GCG: variants seen among roughly 807,000 people sequenced by gnomAD.
GCG encodes glucagon, also known as pro-glucagon.
A neutral mutation model predicts 22.8 loss-of-function variants in GCG; 11 were observed. That is an observed-to-expected ratio of 0.48 (90% confidence interval 0.30 to 0.80). The LOEUF is 0.80. Ranked by LOEUF, GCG falls within the 30% of genes least tolerant of loss-of-function variation. The probability of loss-of-function intolerance (pLI) is 0.06; values close to 1 mark genes in which losing one functional copy is unlikely to be tolerated. For missense variants in GCG, 222 were observed against 222.0 expected, an observed-to-expected ratio of 1.00 and a Z score of 0.00; for synonymous variants, 89 against 72.4, an observed-to-expected ratio of 1.23 and a Z score of -1.16.
chr2:162,150,882 C>G (rs775975673), intron 1 of GCG, among the ~76,000 whole-genome samples: 4 of 152,022 alleles, frequency 2.6e-5, no homozygotes, highest in African/African-American at 9.6e-5. Context: ...GAAGAAAGAA[C>G]AACCATAAAC....
rs1348347563 is a variant in GCG, at chr2:162,147,393, G to C, written c.214C>G (p.Gln72Glu). ...TTCATCAACCACTGCACAAAATCTT[G>C]GGCACGCCTGGAGTCCAGATACTTG... ...YSKYLDSRRA[Q>E]DFVQWLMNTK... Residue 72 changes from glutamine to glutamate, a missense_variant, in exon 3 of 6, where the codon CAA (glutamine) becomes GAA (glutamate). By Grantham distance (29) the Gln-to-Glu change is conservative. Transcript: ENST00000418842. 3.7e-6 allele frequency: 6 copies of C among 1,613,118 alleles called. No homozygotes were observed. The highest frequency in any genetic ancestry group is 1.7e-4 in the Middle Eastern group (1 of 6,052).
intron 1 of GCG, among the ~76,000 whole-genome samples, chr2:162,150,448 T>A (rs982346652): frequency 2.0e-5 from 3 of 152,164 alleles, no homozygotes; most frequent in Non-Finnish European, 4.4e-5. Context: ...CAGTAACTTT[T>A]TTCTTTGAAA....
intron 1 of GCG, among the ~76,000 whole-genome samples, chr2:162,150,899 A>G (rs1251011118): frequency 6.6e-6 from 1 of 152,086 alleles, no homozygotes; most frequent in African/African-American, 2.4e-5. Context: ...AAACCACATA[A>G]AGAAGTGAGC....
chr2:162,146,352 T>C (rs971500588), intron 3 of GCG, among the ~76,000 whole-genome samples: 1 of 152,164 alleles, frequency 6.6e-6, no homozygotes, highest in Non-Finnish European at 1.5e-5. Flanking sequence ...ATTCCCATTC[T>C]AGAAAATGAG....
chr2:162,146,474 G>A (rs1334268617), intron 3 of GCG, among the ~76,000 whole-genome samples: 1 of 151,646 alleles, frequency 6.6e-6, no homozygotes, highest in East Asian at 2.0e-4. Flanking sequence ...TCCTGTGGCT[G>A]TACCCTCTAC....
At chr2:162,148,267 A>C (rs1236276218) in intron 2 of GCG, among the ~76,000 whole-genome samples, 1 of 152,142 alleles carries the variant, frequency 6.6e-6, no homozygotes, top group East Asian at 1.9e-4. Flanking sequence ...GTTTAAACTC[A>C]TTCAGGCCCT....
In GCG at chr2:162,144,333, C is replaced by A. The variant is rs1020183513; in HGVS notation, c.393-163G>T. On this transcript the variant is annotated intron_variant, in intron 4 of 5. Coordinates refer to ENST00000418842, the MANE Select transcript of GCG (RefSeq NM_002054.5). ...ATACCTGATAAAAACCCATGTGGAC[C>A]AGTGACTACTGGAAAGAGAAAGTAG... is the stretch of plus-strand genomic sequence containing the variant. 3 of 604,188 alleles carry A rather than the reference C, an allele frequency of 5.0e-6. No homozygotes were observed. In the Admixed American group the frequency reaches 8.6e-5, roughly 17 times the overall value. 37.4% of individuals were successfully genotyped at this position (604,188 alleles called of 1,614,324 possible).
chr2:162,147,666 C>T lies in GCG; in HGVS notation c.93-152G>A, dbSNP rs1489381205. The T allele has an allele frequency of 1.7e-5, 13 of 776,634 alleles. No homozygotes were observed. In the Admixed American group the frequency reaches 2.2e-4, roughly 13 times the overall value. The allele number at this position is 776,634 out of a possible 1,614,324, so 48.1% of individuals were successfully genotyped here. On this transcript the variant is annotated intron_variant, in intron 2 of 5. Transcript: ENST00000418842. ...GGTAGTTTAGAAAGATCTTCCTTAG[C>T]TTGTCATGAGAATCCCTTCGTTTTA...
rs762268859 is a variant in GCG at position 162,147,425 on chromosome 2, T to A, written c.182A>T (p.Asp61Val). ...CCTGGAGTCCAGATACTTGCTGTAGTCACTGGTGAATGTGCCCTGTGAATG... is the reference window on the plus strand; with the variant it reads ...CCTGGAGTCCAGATACTTGCTGTAGACACTGGTGAATGTGCCCTGTGAATG... ...KRHSQGTFTS[D>V]YSKYLDSRRA... Residue 61 changes from aspartate (D) to valine (V), a missense_variant, in exon 3 of 6, where the codon GAC becomes GTC. Coordinates refer to ENST00000418842, the MANE Select transcript of GCG (RefSeq NM_002054.5). The A allele has an allele frequency of 6.2e-7, 1 of 1,613,274 alleles. No individual in the cohort carries two copies. Among genetic ancestry groups the A allele is most frequent in the Non-Finnish European group, 8.5e-7 (1 of 1,179,342 alleles).
At chr2:162,143,923 G>A (rs1214232261) in intron 5 of GCG, 104 bp downstream of exon 5, 13 of 866,964 alleles carry the variant, frequency 1.5e-5, no homozygotes, top group South Asian at 1.4e-4. Flanking sequence ...TATATAATAA[G>A]AGATTATAGA....
rs1686561613 is a variant in GCG, at chr2:162,143,196, T to C, written c.*168A>G. 2.4e-6 allele frequency: 1 copy of C among 415,248 alleles called. No individual in the cohort carries two copies. The highest frequency in any genetic ancestry group is 2.1e-5 in the African/African-American group (1 of 48,724). The allele number at this position is 415,248 out of a possible 1,614,324, so 25.7% of individuals were successfully genotyped here. ...TTAGCAATATTTTGATAAAACTTTA[T>C]TCCATTTGTAATTTTTGGCTACACA... On this transcript the variant is annotated 3_prime_UTR_variant, in exon 6 of 6. Transcript: ENST00000418842.
intron 1 of GCG, 83 bp from the exon 2 acceptor site, chr2:162,149,270 C>G: frequency 1.3e-6 from 1 of 742,122 alleles, no homozygotes; most frequent in Non-Finnish European, 2.4e-6. Flanking sequence ...TTAGATTTGA[C>G]TAGATAAATA....
chr2:162,146,538 TTCTCTCTCTCTCTC>T (rs59717414), intron 3 of GCG, among the ~76,000 whole-genome samples: 22 of 133,514 alleles, frequency 1.6e-4, no homozygotes, highest in Middle Eastern at 7.2e-3. Flanking sequence ...TGCTTGCTTG[TTCTCTCTCTCTCTC>T]TCTCTCTCTC....
intron 5 of GCG, 133 bp downstream of exon 5, chr2:162,143,894 A>T (rs538480317): frequency 1.4e-6 from 1 of 729,226 alleles, no homozygotes; most frequent in African/African-American, 1.8e-5. Flanking sequence ...ATATGACTTA[A>T]ACATGCATAA....
intron 1 of GCG, among the ~76,000 whole-genome samples, chr2:162,150,026 A>AC (rs763892259): frequency 3.3e-5 from 5 of 152,144 alleles, no homozygotes; most frequent in Non-Finnish European, 7.4e-5. Context: ...GTTATAGGAT[A>AC]CACCTGATTG....
rs1302363408 is a variant in GCG at position 162,145,663 on chromosome 2, T to C, written c.269A>G (p.Lys90Arg). Residue 90 changes from lysine (K) to arginine (R), a missense_variant, in exon 4 of 6, where the codon AAA becomes AGA. By Grantham distance (26) the Lys-to-Arg change is conservative (BLOSUM62 2). Coordinates refer to ENST00000418842, the MANE Select transcript of GCG (RefSeq NM_002054.5). ...NTKRNRNNIA[K>R]RHDEFERHAE... ...ATGTCTCTCAAATTCATCGTGACGTTTGGCAATGTTATTCCTGAAAGAAAT... is the reference window on the plus strand; with the variant it reads ...ATGTCTCTCAAATTCATCGTGACGTCTGGCAATGTTATTCCTGAAAGAAAT... 4.3e-6 allele frequency: 7 copies of C among 1,610,082 alleles called. No individual in the cohort carries two copies. In the Admixed American group the frequency reaches 1.0e-4, roughly 23 times the overall value.
At position 162,143,213 on chromosome 2, in the gene GCG, G is replaced by A; in HGVS notation, c.*151C>T. The A allele has an allele frequency of 2.4e-6, 1 of 417,710 alleles. No individual in the cohort carries two copies. The highest frequency in any genetic ancestry group is 4.4e-6 in the Non-Finnish European group (1 of 227,150). 25.9% of individuals were successfully genotyped at this position (417,710 alleles called of 1,614,324 possible). A position where few individuals can be genotyped will look rare whatever the true frequency, so the allele number is the denominator to read the frequency against. On this transcript the variant is annotated 3_prime_UTR_variant, in exon 6 of 6. Coordinates refer to ENST00000418842, the MANE Select transcript of GCG (RefSeq NM_002054.5). ...AAACTTTATTCCATTTGTAATTTTT[G>A]GCTACACAACACTAAAAGAAAATTT...
chr2:162,150,677 T>G (rs189546122), intron 1 of GCG, among the ~76,000 whole-genome samples: 101 of 152,282 alleles, frequency 6.6e-4, no homozygotes, highest in South Asian at 8.3e-4. Context: ...CAGGAATATT[T>G]AAATATTAAA....
At position 162,149,145 on chromosome 2, in the gene GCG, C is replaced by G. The variant is rs74432317; in HGVS notation, c.34G>C (p.Val12Leu). The G allele has an allele frequency of 6.2e-7, 1 of 1,612,204 alleles. No individual in the cohort carries two copies. The highest frequency in any genetic ancestry group is 1.1e-5 in the South Asian group (1 of 91,022). The change falls in exon 2 of 6, where the codon GTA becomes CTA. Residue 12 changes from valine (V) to leucine (L), a missense_variant. By Grantham distance (32) the Val-to-Leu change is conservative. Transcript: ENST00000418842. ...KSIYFVAGLFVMLVQGSWQRS... is the reference protein window; with the variant it reads ...KSIYFVAGLFLMLVQGSWQRS... ...TGCCAGCTGCCTTGTACCAGCATTA[C>G]AAATAATCCAGCCACAAAGTAAATG...
Sources: gnomAD v4.1 joint callset for allele counts (sites outside exome capture counted in the v4.1 genomes callset) on GRCh38, gnomAD v4.1.1 for gene constraint, MANE v1.5 for transcripts, NCBI Gene and HGNC (gene_info 2026-07-23, HGNC 2026-07-21) for gene names.